Variants in TMEM135 observed in about 807,000 individuals in gnomAD.
TMEM135 encodes the protein peroxisomal membrane protein 52.
A neutral mutation model predicts 60.3 loss-of-function variants in TMEM135; 30 were observed. The observed-to-expected ratio is 0.50, with a 90% confidence interval of 0.37 to 0.68. The LOEUF is 0.68. Among genes scored for constraint, TMEM135 ranks in the 30% least tolerant of loss-of-function variants. The pLI is 0.00. For missense variants in TMEM135, 468 were observed against 548.8 expected, an observed-to-expected ratio of 0.85 and a Z score of 1.47; for synonymous variants, 190 against 186.7, an observed-to-expected ratio of 1.02 and a Z score of -0.14.
In TMEM135 at chr11:87,042,616, G is replaced by A. The variant is rs368076230; in HGVS notation, c.141+4430G>A. 7.2e-5 allele frequency among the ~76,000 whole-genome samples: 11 copies of A among 152,208 alleles called. No individual in the cohort carries two copies. In the East Asian group the frequency reaches 2.1e-3, roughly 29 times the overall value. ...TCTGAGGCCTTCATTTTGTGGTATT[G>A]TATTCTGAGCCCCAACATGAAGGAA... On this transcript the variant is annotated intron_variant, in intron 1 of 14. Coordinates refer to ENST00000305494, the MANE Select transcript of TMEM135 (RefSeq NM_022918.4).
intron 1 of TMEM135, among the ~76,000 whole-genome samples, chr11:87,062,417 GCCCCCCCCCCC>G (rs71040291): frequency 3.8e-3 from 1 of 266 alleles, no homozygotes; most frequent in Non-Finnish European, 5.2e-3. Context: ...TTCCCCCCAA[GCCCCCCCCCCC>G]CCCCGCATAG....
intron 4 of TMEM135, among the ~76,000 whole-genome samples, chr11:87,101,428 T>C (rs561944502): frequency 6.6e-6 from 1 of 152,346 alleles, no homozygotes; most frequent in African/African-American, 2.4e-5. Context: ...ATGTCAAATG[T>C]AGTTAGTTCA....
intron 6 of TMEM135, among the ~76,000 whole-genome samples, chr11:87,246,184 C>G (rs1364643188): frequency 7.3e-6 from 1 of 136,858 alleles, no homozygotes; most frequent in East Asian, 2.0e-4. Flanking sequence ...TTGGCCCCCA[C>G]TGTCTTCTGG....
rs1305350343 is a variant in TMEM135 at position 87,323,227 on chromosome 11, T to C, written c.*1894T>C. 1 of 453,512 alleles carries C rather than the reference T, an allele frequency of 2.2e-6. No homozygotes were observed. The highest frequency in any genetic ancestry group is 2.4e-5 in the Admixed American group (1 of 42,506). The allele number at this position is 453,512 out of a possible 1,614,324, so 28.1% of individuals were successfully genotyped here. A position where few individuals can be genotyped will look rare whatever the true frequency, so the allele number is the denominator to read the frequency against. ...ATTTCTACAATTTACCTTTTCATTT[T>C]TATAAATTGCAGTCATTTTTTTAAA... On this transcript the variant is annotated 3_prime_UTR_variant, in exon 15 of 15. Transcript: ENST00000305494.
chr11:87,304,914 G>T (rs1055958861), intron 8 of TMEM135, among the ~76,000 whole-genome samples: 3 of 152,162 alleles, frequency 2.0e-5, no homozygotes, highest in African/African-American at 7.2e-5. Context: ...TGCCTAAGGT[G>T]AATAAATAGT....
At chr11:87,060,349 G>A (rs992614832) in intron 1 of TMEM135, among the ~76,000 whole-genome samples, 1 of 152,048 alleles carries the variant, frequency 6.6e-6, no homozygotes, top group Admixed American at 6.6e-5. Flanking sequence ...CTTTCTGCAG[G>A]TTAGATCACC....
chr11:87,278,486 C>G (rs914523438), intron 6 of TMEM135, among the ~76,000 whole-genome samples: 1 of 151,878 alleles, frequency 6.6e-6, no homozygotes, highest in Non-Finnish European at 1.5e-5. Context: ...CTGCCTCAAC[C>G]TCCCTATTAG....
intron 5 of TMEM135, among the ~76,000 whole-genome samples, chr11:87,229,153 C>T (rs1021863321): frequency 1.1e-4 from 17 of 151,992 alleles, no homozygotes; most frequent in African/African-American, 2.4e-4. Flanking sequence ...TACATTTTGA[C>T]GTTTCTTTTA....
rs1339941629 is a variant in TMEM135, at chr11:87,326,144, C to T, written c.*4811C>T. 8 of 453,610 alleles carry T rather than the reference C, an allele frequency of 1.8e-5. No individual in the cohort carries two copies. The highest frequency in any genetic ancestry group is 3.1e-5 in the Non-Finnish European group (7 of 226,732). 28.1% of individuals were successfully genotyped at this position (453,610 alleles called of 1,614,324 possible). A position where few individuals can be genotyped will look rare whatever the true frequency, so the allele number is the denominator to read the frequency against. ...CATACTCTCCCCCACCCCCAGCCTG[C>T]TGCCTCTGCAGAGCATAACATTCTA... On this transcript the variant is annotated 3_prime_UTR_variant, in exon 15 of 15. Transcript: ENST00000305494.
At chr11:87,098,127 T>C (rs1277311349) in intron 4 of TMEM135, among the ~76,000 whole-genome samples, 1 of 137,668 alleles carries the variant, frequency 7.3e-6, no homozygotes, top group Non-Finnish European at 1.5e-5. Flanking sequence ...AACCCATCTA[T>C]GCTGGAGGTT....
At position 87,314,544 on chromosome 11, in the gene TMEM135, A is replaced by G; in HGVS notation, c.1074A>G (p.Val358=). 6.2e-7 allele frequency: 1 copy of G among 1,610,488 alleles called. No individual in the cohort carries two copies. The highest frequency in any genetic ancestry group is 1.3e-5 in the African/African-American group (1 of 74,922). ...CCATGTATTTAGCGTCCAAATTGGT[A>G]GAGGTAAGCGAAATTTTTGTGCAAG... The part of the protein sequence containing the change: ...TISMYLASKL[V]ETMYFKGIEA... Residue 358 remains valine, a synonymous_variant, in exon 12 of 15, where the codon GTA becomes GTG. Transcript: ENST00000305494.
chr11:87,189,268 C>T (rs1425543113), intron 5 of TMEM135, among the ~76,000 whole-genome samples: 1 of 151,460 alleles, frequency 6.6e-6, no homozygotes, highest in African/African-American at 2.4e-5. Flanking sequence ...TCAAGCAATT[C>T]TCCTGCCTCA....
intron 4 of TMEM135, among the ~76,000 whole-genome samples, chr11:87,105,924 A>G (rs574030374): frequency 6.6e-6 from 1 of 151,892 alleles, no homozygotes. Flanking sequence ...ACCTCTCTTC[A>G]TCTCCCTTTC....
intron 4 of TMEM135, among the ~76,000 whole-genome samples, chr11:87,093,121 T>C (rs905506568): frequency 6.6e-6 from 1 of 152,206 alleles, no homozygotes; most frequent in Non-Finnish European, 1.5e-5. Context: ...AATCACTCTT[T>C]AACATTTTCC....
At chr11:87,071,437 A>G in intron 2 of TMEM135, 86 bp from the exon 3 acceptor site, 6 of 973,220 alleles carry the variant, frequency 6.2e-6, no homozygotes, top group East Asian at 2.4e-5. Flanking sequence ...TAAATAGAGT[A>G]TGGATGGAGA....
chr11:87,150,276 C>T (rs1379310991), intron 4 of TMEM135, among the ~76,000 whole-genome samples: 1 of 146,704 alleles, frequency 6.8e-6, no homozygotes. Context: ...TTACAGAAAA[C>T]AGTAGTATTC....
At chr11:87,288,840 G>A (rs773675809) in intron 6 of TMEM135, among the ~76,000 whole-genome samples, 11 of 152,006 alleles carry the variant, frequency 7.2e-5, no homozygotes, top group Non-Finnish European at 1.3e-4. Context: ...TTTAAAATGC[G>A]TAATATAAGC....
At chr11:87,183,487 A>C (rs894428803) in intron 5 of TMEM135, among the ~76,000 whole-genome samples, 1 of 151,968 alleles carries the variant, frequency 6.6e-6, no homozygotes, top group African/African-American at 2.4e-5. Context: ...CTCAATAGTA[A>C]AGTTAAAGGT....
At chr11:87,318,310 C>A in intron 13 of TMEM135, 75 bp downstream of exon 13, 1 of 1,052,470 alleles carries the variant, frequency 9.5e-7, no homozygotes. Flanking sequence ...GGGAGAGAAA[C>A]AAACTCTGGG....
Sources: gnomAD v4.1 joint callset for allele counts (sites outside exome capture counted in the v4.1 genomes callset) on GRCh38, gnomAD v4.1.1 for gene constraint, MANE v1.5 for transcripts, NCBI Gene and HGNC (gene_info 2026-07-23, HGNC 2026-07-21) for gene names.